LDLRAD3: variants seen among roughly 807,000 people sequenced by gnomAD.
LDLRAD3 encodes the protein low-density lipoprotein receptor class A domain-containing protein 3.
A neutral mutation model predicts 29.4 loss-of-function variants in LDLRAD3; 20 were observed. That is an observed-to-expected ratio of 0.68 (90% CI 0.48 to 0.99). The LOEUF (loss-of-function observed/expected upper bound fraction) is 0.99, where lower values mean the gene tolerates loss of function less well. Among genes scored for constraint, LDLRAD3 ranks in the 50% least tolerant of loss-of-function variants. The pLI is 0.00. For missense variants in LDLRAD3, 420 were observed against 454.3 expected (o/e 0.92, Z 0.69); for synonymous variants, 157 against 192.7 (o/e 0.81, Z 1.53).
chr11:35,982,672 A>C (rs141145814), intron 1 of LDLRAD3, among the ~76,000 whole-genome samples: 2,340 of 152,146 alleles, frequency 0.015, 61 homozygotes, highest in African/African-American at 0.053. Flanking sequence ...CTTGCCCCAC[A>C]GTCTGTCATC....
intron 1 of LDLRAD3, among the ~76,000 whole-genome samples, chr11:36,028,292 A>C (rs950362375): frequency 6.6e-6 from 1 of 152,228 alleles, no homozygotes; most frequent in African/African-American, 2.4e-5. Flanking sequence ...AGAGTCTTCC[A>C]GGCACCTGGC....
chr11:35,988,375 A>C (rs961254082), intron 1 of LDLRAD3, among the ~76,000 whole-genome samples: 2 of 152,110 alleles, frequency 1.3e-5, no homozygotes, highest in African/African-American at 2.4e-5. Context: ...TCTTCTTTTG[A>C]GAAGTGGCTG....
chr11:36,072,494 C>A (rs1190788163), intron 2 of LDLRAD3, among the ~76,000 whole-genome samples: 4 of 152,144 alleles, frequency 2.6e-5, no homozygotes, highest in African/African-American at 9.7e-5. Context: ...CTATACAAGG[C>A]CTGGACAGTT....
chr11:36,059,154 C>T (rs915941390), intron 2 of LDLRAD3, among the ~76,000 whole-genome samples: 6 of 152,106 alleles, frequency 3.9e-5, no homozygotes, highest in South Asian at 2.1e-4. Flanking sequence ...CCACTTGAGC[C>T]GAGGAATTCA....
At chr11:36,007,095 C>T (rs1221700538) in intron 1 of LDLRAD3, among the ~76,000 whole-genome samples, 3 of 152,212 alleles carry the variant, frequency 2.0e-5, no homozygotes, top group Non-Finnish European at 4.4e-5. Flanking sequence ...TTGGAAAAAT[C>T]CCACCTCCTC....
At chr11:36,049,346 C>CT (rs145457115) in intron 2 of LDLRAD3, among the ~76,000 whole-genome samples, 4,754 of 152,034 alleles carry the variant, frequency 0.031, 236 homozygotes, top group Admixed American at 0.13. Context: ...TGCCAGATCG[C>CT]TTTTTAAAAA....
At chr11:36,072,361 G>A (rs1198703355) in intron 2 of LDLRAD3, among the ~76,000 whole-genome samples, 2 of 152,198 alleles carry the variant, frequency 1.3e-5, no homozygotes, top group Non-Finnish European at 2.9e-5. Context: ...GAAGAGTCTG[G>A]GGAGGTGGCC....
At chr11:35,988,766 G>T (rs902899904) in intron 1 of LDLRAD3, 16 of 151,960 alleles carry the variant, frequency 1.1e-4, no homozygotes, top group African/African-American at 3.6e-4. Context: ...TGTATTTTTA[G>T]TAGAGTTGGG....
At chr11:36,015,873 C>T (rs1852016168) in intron 1 of LDLRAD3, among the ~76,000 whole-genome samples, 1 of 152,240 alleles carries the variant, frequency 6.6e-6, no homozygotes, top group South Asian at 2.1e-4. Context: ...AAGCCTTGGG[C>T]TCCAGACTCC....
At chr11:36,054,146 C>G (rs12291985) in intron 2 of LDLRAD3, among the ~76,000 whole-genome samples, 3 of 152,036 alleles carry the variant, frequency 2.0e-5, no homozygotes, top group Non-Finnish European at 4.4e-5. Context: ...CCATTTTCTG[C>G]ATTTCAGAAA....
At chr11:36,162,154 C>A (rs1016400501) in intron 4 of LDLRAD3, among the ~76,000 whole-genome samples, 30 of 152,102 alleles carry the variant, frequency 2.0e-4, no homozygotes, top group African/African-American at 7.2e-4. Context: ...ATATAAATTC[C>A]TGGCGTGGTA....
intron 1 of LDLRAD3, among the ~76,000 whole-genome samples, chr11:35,949,088 T>G (rs1851098721): frequency 6.6e-6 from 1 of 152,184 alleles, no homozygotes; most frequent in Admixed American, 6.6e-5. Context: ...GGGGTCAAGA[T>G]GCCATCCTCC....
In LDLRAD3 at chr11:36,226,015, C is replaced by T. The variant is rs189425390; in HGVS notation, c.455-1070C>T. Among the ~76,000 whole-genome samples the T allele has an allele frequency of 3.7e-3, 561 of 152,012 alleles. 1 individual carries two copies. The highest frequency in any genetic ancestry group is 0.013 in the African/African-American group (520 of 41,442). ...CCCAGGAGGCGGAGGTTGAGTGCAC[C>T]GAGATTGTGCCACTGCACTCCAGCC... On this transcript the variant is annotated intron_variant, in intron 4 of 5. Coordinates refer to ENST00000315571, the MANE Select transcript of LDLRAD3 (RefSeq NM_174902.4).
intron 4 of LDLRAD3, among the ~76,000 whole-genome samples, chr11:36,144,856 G>A (rs1178322250): frequency 1.7e-5 from 2 of 119,720 alleles, no homozygotes; most frequent in Non-Finnish European, 3.7e-5. Context: ...GGGAGGTGGG[G>A]GGGTCAGCCC....
chr11:35,997,957 C>T (rs1007961879), intron 1 of LDLRAD3, among the ~76,000 whole-genome samples: 6 of 152,164 alleles, frequency 3.9e-5, no homozygotes, highest in East Asian at 1.9e-4. Flanking sequence ...GAGGCTGTGG[C>T]GAGGGCACTG....
At chr11:36,168,685 G>A (rs565805723) in intron 4 of LDLRAD3, among the ~76,000 whole-genome samples, 3 of 152,064 alleles carry the variant, frequency 2.0e-5, no homozygotes, top group African/African-American at 7.2e-5. Context: ...CAACAGTTGT[G>A]TGTGTGTTAG....
At chr11:36,016,854 T>A (rs923345367) in intron 1 of LDLRAD3, among the ~76,000 whole-genome samples, 3 of 152,362 alleles carry the variant, frequency 2.0e-5, no homozygotes, top group Admixed American at 1.3e-4. Flanking sequence ...TGTCAGTACG[T>A]TCTAACTCCT....
At chr11:36,146,480 G>A (rs190777123) in intron 4 of LDLRAD3, among the ~76,000 whole-genome samples, 1 of 152,058 alleles carries the variant, frequency 6.6e-6, no homozygotes, top group Non-Finnish European at 1.5e-5. Context: ...TTGTATATTG[G>A]TTTCCTCAGG....
At chr11:36,206,491 C>T (rs1855210526) in intron 4 of LDLRAD3, among the ~76,000 whole-genome samples, 1 of 152,064 alleles carries the variant, frequency 6.6e-6, no homozygotes, top group Non-Finnish European at 1.5e-5. Context: ...CAGTGGGAGG[C>T]AGAGGCAGAG....
Sources: allele counts gnomAD v4.1 joint callset (sites outside exome capture counted in the v4.1 genomes callset), GRCh38; gene constraint gnomAD v4.1.1; transcripts MANE v1.5; gene names NCBI Gene and HGNC (gene_info 2026-07-23, HGNC 2026-07-21).